DPM1: variants seen among roughly 807,000 people sequenced by gnomAD.
DPM1 encodes the protein dolichol-phosphate mannosyltransferase subunit 1.
A neutral mutation model predicts 39.0 loss-of-function variants in DPM1; 27 were observed. The ratio of observed to expected loss-of-function variants is 0.69; its 90% CI spans 0.51 to 0.95. DPM1 has a LOEUF of 0.95. Ranked by LOEUF, DPM1 falls within the 40% of genes least tolerant of loss-of-function variation. The pLI, the probability that DPM1 is intolerant of heterozygous loss-of-function variation, is 0.00. For synonymous variants in DPM1, 124 were observed against 109.0 expected, an observed-to-expected ratio of 1.14 and a Z score of -0.86; for missense variants, 307 against 315.6, an observed-to-expected ratio of 0.97 and a Z score of 0.21.
chr20:50,957,966 T>C (rs1392399589), intron 1 of DPM1, among the ~76,000 whole-genome samples: 1 of 152,142 alleles, frequency 6.6e-6, no homozygotes, highest in Admixed American at 6.5e-5. Flanking sequence ...ATGTAAGCAC[T>C]CGGCACCGGA....
At chr20:50,941,989 C>T in intron 6 of DPM1, 42 bp downstream of exon 6, 3 of 1,493,640 alleles carry the variant, frequency 2.0e-6, no homozygotes, top group Admixed American at 3.3e-5. Flanking sequence ...AATACATTTC[C>T]AGTAGTTATA....
At chr20:50,937,692 C>G (rs1307091675) in intron 7 of DPM1, among the ~76,000 whole-genome samples, 1 of 152,042 alleles carries the variant, frequency 6.6e-6, no homozygotes, top group African/African-American at 2.4e-5. Flanking sequence ...TCTCAACTTT[C>G]CAGGCTCAAA....
intron 5 of DPM1, chr20:50,944,706 T>C (rs554935418): frequency 2.0e-5 from 3 of 152,266 alleles, no homozygotes; most frequent in Non-Finnish European, 4.4e-5. Context: ...TAGCTTAAAC[T>C]CAGAACAGCT....
chr20:50,949,080 C>T (rs369527819), intron 2 of DPM1, among the ~76,000 whole-genome samples: 9 of 152,160 alleles, frequency 5.9e-5, no homozygotes, highest in South Asian at 4.1e-4. Flanking sequence ...AGGATGGTCT[C>T]GATCTCCTGA....
chr20:50,945,486 G>A (rs945323680), intron 5 of DPM1, among the ~76,000 whole-genome samples: 3 of 152,054 alleles, frequency 2.0e-5, no homozygotes, highest in Non-Finnish European at 1.5e-5. Context: ...GACTACAGGC[G>A]CATGCCATTG....
chr20:50,941,094 T>C (rs1985689289), intron 6 of DPM1, 161 bp from the exon 7 acceptor site: 1 of 833,452 alleles, frequency 1.2e-6, no homozygotes, highest in Non-Finnish European at 1.9e-6. Flanking sequence ...TTTTAGTCAA[T>C]GAAAGGAGAC....
chr20:50,946,049 T>A lies in DPM1; in HGVS notation c.296-126A>T. On this transcript the variant is annotated intron_variant, in intron 3 of 8. Coordinates refer to ENST00000371588, the MANE Select transcript of DPM1 (RefSeq NM_003859.3). The stretch of plus-strand genomic sequence containing the variant: ...GTTCTCTAAAAGTCAGATTAATAAA[T>A]TGGTATTTTTCACCTTAAGTACATA... 3.5e-6 allele frequency: 3 copies of A among 846,798 alleles called. No homozygotes were observed. In the South Asian group the frequency reaches 4.2e-5, roughly 12 times the overall value. 52.5% of individuals were successfully genotyped at this position (846,798 alleles called of 1,614,324 possible).
intron 7 of DPM1, among the ~76,000 whole-genome samples, chr20:50,938,725 A>T (rs1263491966): frequency 1.3e-5 from 2 of 149,266 alleles, no homozygotes; most frequent in Non-Finnish European, 3.0e-5. Flanking sequence ...CATGCCTGTA[A>T]TCCCAGCACT....
chr20:50,941,936 C>CA, intron 6 of DPM1, 95 bp downstream of exon 6: 1 of 1,104,734 alleles, frequency 9.1e-7, no homozygotes. Context: ...CCTGATCCCA[C>CA]AAATCCCGGG....
chr20:50,941,264 A>ATATATATATATATATATATATAT (rs56852828), intron 6 of DPM1: 2 of 167,962 alleles, frequency 1.2e-5, no homozygotes, highest in Non-Finnish European at 2.3e-5. Context: ...ATATATATAT[A>ATATATATATATATATATATATAT]AATAAAATAC....
At chr20:50,953,886 AC>A (rs1452916374) in intron 2 of DPM1, among the ~76,000 whole-genome samples, 1 of 152,242 alleles carries the variant, frequency 6.6e-6, no homozygotes, top group East Asian at 1.9e-4. Flanking sequence ...AAAAATTCAA[AC>A]CTAGCATTAC....
chr20:50,937,220 AT>A (rs963695667), intron 7 of DPM1, among the ~76,000 whole-genome samples: 2 of 152,150 alleles, frequency 1.3e-5, no homozygotes, highest in African/African-American at 4.8e-5. Flanking sequence ...CTGAATCCAC[AT>A]TTTTTTTCCC....
chr20:50,938,466 T>C (rs1356025014), intron 7 of DPM1, among the ~76,000 whole-genome samples: 1 of 151,050 alleles, frequency 6.6e-6, no homozygotes, highest in Non-Finnish European at 1.5e-5. Context: ...CACTGCAAGC[T>C]CTGCCTCCCA....
intron 2 of DPM1, among the ~76,000 whole-genome samples, chr20:50,951,591 A>G (rs1310775996): frequency 6.6e-6 from 1 of 152,082 alleles, no homozygotes; most frequent in African/African-American, 2.4e-5. Context: ...GAGTTCAAGA[A>G]GAGCCTGACC....
intron 6 of DPM1, chr20:50,941,245 T>TAA (rs1985726787): frequency 6.1e-6 from 1 of 164,926 alleles, no homozygotes; most frequent in African/African-American, 3.0e-5. Context: ...TATATATATA[T>TAA]ATATATATAT....
rs1464999872 is a variant in DPM1, at chr20:50,958,429, G to C, written c.95C>G (p.Pro32Arg). ...PRQNKYSVLLPTYNERENLPL... is the reference protein window; with the variant it reads ...PRQNKYSVLLRTYNERENLPL... The stretch of plus-strand genomic sequence containing the variant: ...CAGGTTCTCGCGCTCGTTGTAGGTA[G>C]GTAAAAGCACCGAATATTTGTTCTG... The change falls in exon 1 of 9, where the codon CCT becomes CGT. Residue 32 changes from proline (P) to arginine (R), a missense_variant. Coordinates refer to ENST00000371588, the MANE Select transcript of DPM1 (RefSeq NM_003859.3). The C allele has an allele frequency of 3.1e-6, 5 of 1,614,022 alleles. No individual in the cohort carries two copies. Among genetic ancestry groups the C allele is most frequent in the Non-Finnish European group, 8.5e-7 (1 of 1,180,040 alleles).
At chr20:50,956,378 C>T (rs976729594) in intron 1 of DPM1, among the ~76,000 whole-genome samples, 3 of 151,946 alleles carry the variant, frequency 2.0e-5, no homozygotes, top group Non-Finnish European at 4.4e-5. Flanking sequence ...CCGAGGCAGG[C>T]GGATCACGAG....
rs1477988667 is a variant in DPM1, at chr20:50,958,350, C to T, written c.161+13G>A. On this transcript the variant is annotated intron_variant, in intron 1 of 8. Coordinates refer to ENST00000371588, the MANE Select transcript of DPM1 (RefSeq NM_003859.3). ...TCATCTCATTCTTCGGGGAGGGAGA[C>T]CTGGTGCGCTACCTCTCGGAGAAGC... is the stretch of plus-strand genomic sequence containing the variant. 6 of 1,612,510 alleles carry T rather than the reference C, an allele frequency of 3.7e-6. No homozygotes were observed. Among genetic ancestry groups the T allele is most frequent in the African/African-American group, 1.3e-5 (1 of 74,912 alleles).
chr20:50,945,598 C>T, intron 5 of DPM1, 139 bp downstream of exon 5: 1 of 873,248 alleles, frequency 1.1e-6, no homozygotes, highest in Non-Finnish European at 1.8e-6. Flanking sequence ...CCTACCCTGA[C>T]TTCCCAAACT....
Sources: gnomAD v4.1 joint callset for allele counts (sites outside exome capture counted in the v4.1 genomes callset) on GRCh38, gnomAD v4.1.1 for gene constraint, MANE v1.5 for transcripts, NCBI Gene and HGNC (gene_info 2026-07-23, HGNC 2026-07-21) for gene names.